Variants in BICRA observed in about 807,000 individuals in gnomAD.
BICRA encodes BRD4 interacting chromatin remodeling complex associated protein, also known as BRD4-interacting chromatin-remodeling complex-associated protein.
BICRA carries 31 observed loss-of-function variants against 96.9 expected under a neutral mutation model. The ratio of observed to expected loss-of-function variants is 0.32; its 90% confidence interval spans 0.24 to 0.43. The LOEUF (loss-of-function observed/expected upper bound fraction) is 0.43. Ranked by LOEUF, BICRA falls within the 20% of genes least tolerant of loss-of-function variation. BICRA has a pLI of 1.00. For synonymous variants in BICRA, 1,350 were observed against 1,071.8 expected (o/e 1.26, Z -5.07); for missense variants, 2,283 against 2,190.3 (o/e 1.04, Z -0.84).
chr19:47,656,156 G>A (rs931687963), intron 1 of BICRA, among the ~76,000 whole-genome samples: 1 of 151,220 alleles, frequency 6.6e-6, no homozygotes, highest in South Asian at 2.1e-4. Context: ...GCGTGATGGC[G>A]CACACCTAAG....
At chr19:47,674,603 C>G (rs2052660097) in intron 4 of BICRA, among the ~76,000 whole-genome samples, 1 of 152,110 alleles carries the variant, frequency 6.6e-6, no homozygotes, top group South Asian at 2.1e-4. Flanking sequence ...CTCAGGGACT[C>G]TCATGAGGTT....
At chr19:47,642,121 C>T (rs1972393952) in intron 1 of BICRA, among the ~76,000 whole-genome samples, 1 of 152,218 alleles carries the variant, frequency 6.6e-6, no homozygotes, top group Non-Finnish European at 1.5e-5. Context: ...TCTTTTGTAT[C>T]AGGCTTCTGT....
chr19:47,668,387 C>G (rs931566098), intron 1 of BICRA, among the ~76,000 whole-genome samples: 3 of 152,134 alleles, frequency 2.0e-5, no homozygotes, highest in African/African-American at 7.2e-5. Context: ...ATGCAGGTTC[C>G]CAGCTGAGGT....
chr19:47,681,151 G>A lies in BICRA; in HGVS notation c.1981G>A (p.Ala661Thr), dbSNP rs1396269463. 2 of 1,519,132 alleles carry A rather than the reference G, an allele frequency of 1.3e-6. No homozygotes were observed. The highest frequency in any genetic ancestry group is 2.0e-5 in the Admixed American group (1 of 50,746). The allele number at this position is 1,519,132 out of a possible 1,614,324, so 94.1% of individuals were successfully genotyped here. The change falls in exon 6 of 15, where the codon GCC (alanine) becomes ACC (threonine). Residue 661 changes from alanine (A) to threonine (T), a missense_variant. Ala to Thr is a moderately conservative substitution (Grantham distance 58). Coordinates refer to ENST00000594866, the MANE Select transcript of BICRA (RefSeq NM_001394372.1). ...PTPQAAAPPQ[A>T]TTPQPSPGLA... is the part of the protein sequence containing the mutation. ...CCCACAGGCCGCCGCCCCGCCTCAG[G>A]CCACCACCCCCCAGCCCAGCCCTGG...
chr19:47,622,389 G>A (rs1177227822), intron 1 of BICRA, among the ~76,000 whole-genome samples: 3 of 147,156 alleles, frequency 2.0e-5, no homozygotes, highest in East Asian at 4.5e-4. Flanking sequence ...GAGCCACCAC[G>A]CCTGAGTGTA....
intron 7 of BICRA, among the ~76,000 whole-genome samples, chr19:47,688,805 T>A (rs993751062): frequency 5.3e-5 from 8 of 151,332 alleles, no homozygotes; most frequent in Non-Finnish European, 1.0e-4. Flanking sequence ...AAAAAAAAAA[T>A]TTTTTTTTCT....
At position 47,679,860 on chromosome 19, in the gene BICRA, G is replaced by C. The variant is rs1325795798; in HGVS notation, c.690G>C (p.Leu230=). ...GSPGGATAAT[L]GLAPIQVVGQ... is the part of the protein sequence containing the mutation. ...CTGGGGGTGCCACGGCGGCCACACT[G>C]GGCCTGGCGCCCATCCAGGTGGTGG... is the stretch of plus-strand genomic sequence containing the variant. Residue 230 remains leucine (L), a synonymous_variant, in exon 6 of 15, where the codon CTG becomes CTC. Coordinates refer to ENST00000594866, the MANE Select transcript of BICRA (RefSeq NM_001394372.1). The C allele has an allele frequency of 2.0e-6, 3 of 1,508,776 alleles. No homozygotes were observed. In the South Asian group the frequency reaches 3.7e-5, roughly 19 times the overall value. 93.5% of individuals were successfully genotyped at this position (1,508,776 alleles called of 1,614,324 possible).
At chr19:47,670,258 G>A (rs762099590) in intron 1 of BICRA, among the ~76,000 whole-genome samples, 185 bp from the exon 2 acceptor site, 1 of 152,110 alleles carries the variant, frequency 6.6e-6, no homozygotes, top group Non-Finnish European at 1.5e-5. Context: ...CAGCCATTTT[G>A]TGTGATTCTA....
rs1191813282 is a variant in BICRA, at chr19:47,680,461, A to G, written c.1291A>G (p.Thr431Ala). Residue 431 changes from threonine (T) to alanine (A), a missense_variant, in exon 6 of 15, where the codon ACC becomes GCC. Coordinates refer to ENST00000594866, the MANE Select transcript of BICRA (RefSeq NM_001394372.1). ...ANVFKQPPAT[T>A]TGAAPPQPPG... ...CGTCTTCAAGCAGCCACCGGCCACC[A>G]CCACCGGAGCGGCCCCGCCGCAGCC... is the stretch of plus-strand genomic sequence containing the variant. The G allele has an allele frequency of 1.9e-6, 3 of 1,539,734 alleles. No individual in the cohort carries two copies. Among genetic ancestry groups the G allele is most frequent in the East Asian group, 2.5e-5 (1 of 40,814 alleles).
chr19:47,642,556 G>A (rs1214924661), intron 1 of BICRA, among the ~76,000 whole-genome samples: 2 of 151,942 alleles, frequency 1.3e-5, no homozygotes, highest in Non-Finnish European at 2.9e-5. Context: ...AAAAAAATTA[G>A]CCAAGCATGG....
chr19:47,621,721 C>G (rs146490855), intron 1 of BICRA, among the ~76,000 whole-genome samples: 1 of 151,994 alleles, frequency 6.6e-6, no homozygotes, highest in East Asian at 1.9e-4. Flanking sequence ...CACTGGCGTC[C>G]GCCTCCCAAA....
At chr19:47,620,393 G>A (rs914700776) in intron 1 of BICRA, among the ~76,000 whole-genome samples, 2 of 151,922 alleles carry the variant, frequency 1.3e-5, no homozygotes, top group African/African-American at 2.4e-5. Flanking sequence ...TGGCCAGGGC[G>A]CAGTGGCTCA....
chr19:47,694,905 G>A lies in BICRA; in HGVS notation c.2901G>A (p.Pro967=), dbSNP rs534635629. The A allele has an allele frequency of 1.2e-4, 177 of 1,513,076 alleles. No homozygotes were observed. In the East Asian group the frequency reaches 1.4e-3, roughly 12 times the overall value. The allele number at this position is 1,513,076 out of a possible 1,614,324, so 93.7% of individuals were successfully genotyped here. A position where few individuals can be genotyped will look rare whatever the true frequency, so the allele number is the denominator to read the frequency against. The change falls in exon 9 of 15, where the codon CCG becomes CCA. Residue 967 remains proline, a synonymous_variant. Transcript: ENST00000594866. Reference sequence around the variant, plus strand: ...TCCACCTGTCCCCTCCTCAGGTGCCGTCCGGAATCATCCTCCAGAACAAGG... The same window carrying A: ...TCCACCTGTCCCCTCCTCAGGTGCCATCCGGAATCATCCTCCAGAACAAGG... ...KALLERFHQV[P]SGIILQNKAG...
intron 9 of BICRA, 23 bp from the exon 10 acceptor site, chr19:47,695,342 T>TCGGCCCCCCCCCCCCCCCCCCCCCCC: frequency 1.6e-6 from 1 of 630,198 alleles, no homozygotes; most frequent in Non-Finnish European, 2.8e-6. Flanking sequence ...AGGCCCTGTC[T>TCGGCCCCCCCCCCCCCCCCCCCCCCC]CCCCCACCCC....
At chr19:47,650,915 A>G (rs1972531050) in intron 1 of BICRA, among the ~76,000 whole-genome samples, 1 of 152,106 alleles carries the variant, frequency 6.6e-6, no homozygotes, top group African/African-American at 2.4e-5. Context: ...CGGTCCACCC[A>G]TCTTGACACC....
At chr19:47,655,254 G>A (rs893651638) in intron 1 of BICRA, among the ~76,000 whole-genome samples, 2 of 152,054 alleles carry the variant, frequency 1.3e-5, no homozygotes, top group Non-Finnish European at 2.9e-5. Context: ...GGCCAGGCGT[G>A]GTGGCTCTCA....
In BICRA at chr19:47,681,094, C is replaced by T. The variant is rs1328275659; in HGVS notation, c.1924C>T (p.Pro642Ser). The T allele has an allele frequency of 8.3e-6, 12 of 1,452,078 alleles. No individual in the cohort carries two copies. The highest frequency in any genetic ancestry group is 1.1e-5 in the Non-Finnish European group (12 of 1,099,914). The allele number at this position is 1,452,078 out of a possible 1,614,324, so 89.9% of individuals were successfully genotyped here. The change falls in exon 6 of 15, where the codon CCG becomes TCG. Residue 642 changes from proline to serine, a missense_variant. Physicochemically the swap from Pro to Ser is moderately conservative, Grantham distance 74. Transcript: ENST00000594866. Reference sequence around the variant, plus strand: ...ACCCCTGCCCCTGGGCCTCCAGCAGCCGCAGGCGCAGCAGCCCCCGCAGGC... The same window carrying T: ...ACCCCTGCCCCTGGGCCTCCAGCAGTCGCAGGCGCAGCAGCCCCCGCAGGC... ...STPLPLGLQQ[P>S]QAQQPPQAPT...
intron 7 of BICRA, among the ~76,000 whole-genome samples, chr19:47,684,045 C>A (rs942467100): frequency 6.6e-6 from 1 of 152,206 alleles, no homozygotes; most frequent in African/African-American, 2.4e-5. Context: ...CTCCCACTTA[C>A]CATTTAACCT....
rs575300440 is a variant in BICRA, at chr19:47,658,840, G to A, written c.-107-11603G>A. Among the ~76,000 whole-genome samples the A allele has an allele frequency of 2.0e-5, 3 of 151,502 alleles. No individual in the cohort carries two copies. In the South Asian group the frequency reaches 6.3e-4, roughly 32 times the overall value. On this transcript the variant is annotated intron_variant, in intron 1 of 14. Transcript: ENST00000594866. ...CGTGCGCACGTCTTGGGGAACGTTT[G>A]TTTTCCCCTTTGCTTCCCTTAGCTG...
Sources: allele counts gnomAD v4.1 joint callset (sites outside exome capture counted in the v4.1 genomes callset), GRCh38; gene constraint gnomAD v4.1.1; transcripts MANE v1.5; gene names NCBI Gene and HGNC (gene_info 2026-07-23, HGNC 2026-07-21).